PRKCA: variants seen among roughly 807,000 people sequenced by gnomAD.
PRKCA encodes the protein protein kinase C alpha type.
PRKCA carries 27 observed loss-of-function variants against 87.0 expected under a neutral mutation model. That is an observed-to-expected ratio of 0.31 (90% CI 0.23 to 0.43). The LOEUF is 0.43. Ranked by LOEUF, PRKCA falls within the 20% of genes least tolerant of loss-of-function variation. PRKCA has a pLI of 1.00. For synonymous variants in PRKCA, 329 were observed against 311.1 expected (o/e 1.06, Z -0.61); for missense variants, 518 against 852.3 (o/e 0.61, Z 4.88).
At chr17:66,422,851 C>G (rs1433359023) in intron 2 of PRKCA, among the ~76,000 whole-genome samples, 1 of 152,224 alleles carries the variant, frequency 6.6e-6, no homozygotes, top group Non-Finnish European at 1.5e-5. Context: ...TGGCTCACAC[C>G]TGTAATCCTA....
At chr17:66,637,016 TG>T (rs201155118) in intron 3 of PRKCA, among the ~76,000 whole-genome samples, 8,120 of 152,288 alleles carry the variant, frequency 0.053, 291 homozygotes, top group Admixed American at 0.078. Context: ...CATGTAATTT[TG>T]GGGTGTGACA....
At chr17:66,596,747 C>A (rs1365660654) in intron 3 of PRKCA, among the ~76,000 whole-genome samples, 1 of 82,676 alleles carries the variant, frequency 1.2e-5, no homozygotes, top group Non-Finnish European at 2.3e-5. Context: ...GACCCCACCA[C>A]AGTCCCCAGA....
intron 3 of PRKCA, among the ~76,000 whole-genome samples, chr17:66,576,560 A>G (rs1969241864): frequency 6.6e-6 from 1 of 152,232 alleles, no homozygotes; most frequent in Non-Finnish European, 1.5e-5. Flanking sequence ...AAGGTGCTTG[A>G]GGACTTTTTT....
At chr17:66,459,960 C>T (rs532285205) in intron 2 of PRKCA, among the ~76,000 whole-genome samples, 6 of 152,280 alleles carry the variant, frequency 3.9e-5, no homozygotes, top group Non-Finnish European at 4.4e-5. Flanking sequence ...TCCGCAGTCT[C>T]GAAGGATGAA....
chr17:66,327,937 C>A (rs1906084392), intron 2 of PRKCA, among the ~76,000 whole-genome samples: 1 of 152,148 alleles, frequency 6.6e-6, no homozygotes, highest in Non-Finnish European at 1.5e-5. Context: ...AGCCACTAAT[C>A]TGAAAATCAT....
chr17:66,493,162 A>G (rs1392385454), intron 2 of PRKCA, among the ~76,000 whole-genome samples: 1 of 152,188 alleles, frequency 6.6e-6, no homozygotes, highest in Non-Finnish European at 1.5e-5. Flanking sequence ...TATTTTTACA[A>G]TCACATTATA....
intron 13 of PRKCA, among the ~76,000 whole-genome samples, chr17:66,748,703 C>G (rs2144256581): frequency 6.6e-6 from 1 of 152,142 alleles, no homozygotes; most frequent in Middle Eastern, 3.4e-3. Context: ...TTGAGGACAT[C>G]TATGGTAAAT....
intron 5 of PRKCA, among the ~76,000 whole-genome samples, chr17:66,670,977 C>T (rs1323485640): frequency 1.3e-5 from 2 of 151,672 alleles, no homozygotes; most frequent in Admixed American, 6.6e-5. Context: ...TTTGGGAGGC[C>T]GAGGTGGGCA....
chr17:66,486,010 A>T (rs1279518856), intron 2 of PRKCA, among the ~76,000 whole-genome samples: 1 of 152,200 alleles, frequency 6.6e-6, no homozygotes, highest in African/African-American at 2.4e-5. Context: ...TTGGATGTTC[A>T]GACATGAAGC....
At chr17:66,466,871 A>AT (rs1915108936) in intron 2 of PRKCA, among the ~76,000 whole-genome samples, 1 of 148,776 alleles carries the variant, frequency 6.7e-6, no homozygotes, top group Non-Finnish European at 1.5e-5. Flanking sequence ...CTCTTCCTTC[A>AT]TTTAAAAAAA....
Position 66,726,600 on chromosome 17 carries a change from G to A in PRKCA, c.919-6088G>A, listed in dbSNP as rs550551401. 1.3e-3 allele frequency among the ~76,000 whole-genome samples: 203 copies of A among 152,212 alleles called. 1 individual carries two copies. The highest frequency in any genetic ancestry group is 5.8e-4 in the East Asian group (3 of 5,176). ...GCGGCAGGCTGGCATGGCTGGGACC[G>A]AGGCGGAGGGAGTGGTGGGAAATAA... On this transcript the variant is annotated intron_variant, in intron 8 of 16. Coordinates refer to ENST00000413366, the MANE Select transcript of PRKCA (RefSeq NM_002737.3).
At chr17:66,572,915 A>C (rs1427588402) in intron 3 of PRKCA, among the ~76,000 whole-genome samples, 6 of 152,218 alleles carry the variant, frequency 3.9e-5, no homozygotes, top group Admixed American at 3.9e-4. Context: ...AGAGTCCTGT[A>C]ATTCAGTGAT....
intron 3 of PRKCA, chr17:66,640,977 A>T (rs1201286639): frequency 6.0e-6 from 2 of 331,340 alleles, no homozygotes; most frequent in Non-Finnish European, 1.2e-5. Flanking sequence ...CCTGGCCAAC[A>T]TGGTGAAACC....
chr17:66,306,106 A>C lies in PRKCA; in HGVS notation c.184A>C (p.Lys62Gln). ...HCTDFIWGFG[K>Q]QGFQCQVCCF... Reference sequence around the variant, plus strand: ...GTTTTTGTTTTTCAGGGGGTTTGGGAAACAAGGCTTCCAGTGCCAAGGTAA... The same window carrying C: ...GTTTTTGTTTTTCAGGGGGTTTGGGCAACAAGGCTTCCAGTGCCAAGGTAA... Residue 62 changes from lysine to glutamine, a missense_variant, in exon 2 of 17, where the codon AAA (lysine) becomes CAA (glutamine). Physicochemically the swap from Lys to Gln is moderately conservative, Grantham distance 53. Transcript: ENST00000413366. The C allele has an allele frequency of 6.2e-7, 1 of 1,612,376 alleles. No individual in the cohort carries two copies. Among genetic ancestry groups the C allele is most frequent in the Non-Finnish European group, 8.5e-7 (1 of 1,179,400 alleles).
At chr17:66,612,368 C>T (rs1465314562) in intron 3 of PRKCA, among the ~76,000 whole-genome samples, 2 of 97,886 alleles carry the variant, frequency 2.0e-5, no homozygotes, top group South Asian at 2.9e-4. Context: ...GCAACAAGAG[C>T]GAAAATCTGT....
At chr17:66,320,371 A>G (rs982629794) in intron 2 of PRKCA, among the ~76,000 whole-genome samples, 5 of 148,552 alleles carry the variant, frequency 3.4e-5, no homozygotes, top group Admixed American at 6.7e-5. Flanking sequence ...CCCATCCAAT[A>G]CTCTATTTTT....
intron 15 of PRKCA, 85 bp from the exon 16 acceptor site, chr17:66,788,754 G>A (rs1397295117): frequency 1.3e-6 from 2 of 1,503,418 alleles, no homozygotes; most frequent in African/African-American, 1.4e-5. Context: ...AGTCAGGGCT[G>A]TAGGCAGAGC....
At chr17:66,691,152 CA>C (rs1301225829) in intron 8 of PRKCA, among the ~76,000 whole-genome samples, 1 of 152,068 alleles carries the variant, frequency 6.6e-6, no homozygotes, top group African/African-American at 2.4e-5. Context: ...AGAAAACAAA[CA>C]AAAAACTTAG....
chr17:66,549,366 A>G (rs1209309202), intron 3 of PRKCA, among the ~76,000 whole-genome samples: 1 of 152,110 alleles, frequency 6.6e-6, no homozygotes, highest in African/African-American at 2.4e-5. Context: ...GTGACTGATA[A>G]CAGGGTGGGT....
Sources: allele counts gnomAD v4.1 joint callset (sites outside exome capture counted in the v4.1 genomes callset), GRCh38; gene constraint gnomAD v4.1.1; transcripts MANE v1.5; gene names NCBI Gene and HGNC (gene_info 2026-07-23, HGNC 2026-07-21).